Variants in MYB observed in about 807,000 individuals in gnomAD.
The protein encoded by MYB is transcriptional activator Myb.
In MYB, 28 loss-of-function variants were observed where a neutral mutation model predicts 92.9. That is an observed-to-expected ratio of 0.30 (90% CI 0.22 to 0.41). The LOEUF (loss-of-function observed/expected upper bound fraction) is 0.41. Ranked by LOEUF, MYB falls within the 10% of genes least tolerant of loss-of-function variation. MYB has a pLI of 1.00. For synonymous variants in MYB, 295 were observed against 329.1 expected, an observed-to-expected ratio of 0.90 and a Z score of 1.12; for missense variants, 679 against 929.3, an observed-to-expected ratio of 0.73 and a Z score of 3.50.
chr6:135,211,546 G>A (rs1254493527), intron 15 of MYB, among the ~76,000 whole-genome samples: 1 of 152,126 alleles, frequency 6.6e-6, no homozygotes. Flanking sequence ...TTGCTTTAGA[G>A]CAATTTGGCA....
At chr6:135,186,320 G>A (rs1422257497) in intron 2 of MYB, among the ~76,000 whole-genome samples, 1 of 152,090 alleles carries the variant, frequency 6.6e-6, no homozygotes, top group East Asian at 1.9e-4. Flanking sequence ...ACCCATGAAG[G>A]CATCACCTCT....
At chr6:135,188,488 CT>C (rs1179229795) in intron 3 of MYB, among the ~76,000 whole-genome samples, 1 of 145,794 alleles carries the variant, frequency 6.9e-6, no homozygotes, top group Admixed American at 6.9e-5. Context: ...TTCCATTTTT[CT>C]TTCTTTTTTT....
intron 14 of MYB, chr6:135,202,277 G>A (rs906081229): frequency 1.3e-5 from 2 of 152,750 alleles, no homozygotes; most frequent in Admixed American, 1.3e-4. Context: ...TTATTTAGTA[G>A]GTACTAAGTG....
intron 8 of MYB, 149 bp from the exon 9 acceptor site, chr6:135,195,599 C>A: frequency 1.2e-6 from 1 of 813,120 alleles, no homozygotes; most frequent in Non-Finnish European, 1.9e-6. Flanking sequence ...AACATCTTGA[C>A]AACTGTTTCA....
rs1367299192 is a variant in MYB at position 135,190,766 on chromosome 6, T to G, written c.527+419T>G. ...AGGAACTCAGCTACCATTTTCCTGA[T>G]AACCATCATTCATTTCTTTTATTTT... is the stretch of plus-strand genomic sequence containing the variant. On this transcript the variant is annotated intron_variant, in intron 5 of 15. Coordinates refer to ENST00000341911, the MANE Select transcript of MYB (RefSeq NM_001130173.2). The surrounding 1 kb of genome is among the most constrained non-coding windows in gnomAD (Gnocchi z 4.5). Among the ~76,000 whole-genome samples, 1 of 152,198 alleles carries G rather than the reference T, an allele frequency of 6.6e-6. No individual in the cohort carries two copies.
At chr6:135,198,029 A>G (rs1412145446) in intron 10 of MYB, among the ~76,000 whole-genome samples, 1 of 152,234 alleles carries the variant, frequency 6.6e-6, no homozygotes, top group Non-Finnish European at 1.5e-5. Context: ...TTAAATTAAT[A>G]GATAATTTGG....
chr6:135,217,053 GTCC>G (rs1780546342), intron 15 of MYB, among the ~76,000 whole-genome samples: 2 of 152,148 alleles, frequency 1.3e-5, no homozygotes, highest in Non-Finnish European at 2.9e-5. Flanking sequence ...TAGATATTAG[GTCC>G]ATCTTGTATC....
intron 15 of MYB, among the ~76,000 whole-genome samples, chr6:135,215,325 G>A (rs974945839): frequency 1.2e-4 from 19 of 152,158 alleles, no homozygotes; most frequent in African/African-American, 4.3e-4. Flanking sequence ...CTGGTGCCCT[G>A]AGCACACAAC....
At chr6:135,212,505 C>A (rs1342592171) in intron 15 of MYB, among the ~76,000 whole-genome samples, 4 of 151,934 alleles carry the variant, frequency 2.6e-5, no homozygotes, top group African/African-American at 9.7e-5. Flanking sequence ...CAAAAGATGG[C>A]AATATTTATT....
chr6:135,205,470 T>A (rs765331616), intron 15 of MYB, among the ~76,000 whole-genome samples: 15 of 152,212 alleles, frequency 9.9e-5, no homozygotes, highest in Non-Finnish European at 2.1e-4. Flanking sequence ...TTGAAACCCA[T>A]AGTTCAGTAT....
intron 9 of MYB, 43 bp downstream of exon 9, chr6:135,196,045 A>T: frequency 6.3e-7 from 1 of 1,586,912 alleles, no homozygotes; most frequent in African/African-American, 1.4e-5. Context: ...CTGGAAGATA[A>T]ATTAGAAAAC....
rs776218526 is a variant in MYB, at chr6:135,192,425, T to C, written c.629T>C (p.Val210Ala). 5 of 1,614,210 alleles carry C rather than the reference T, an allele frequency of 3.1e-6. No homozygotes were observed. Among genetic ancestry groups the C allele is most frequent in the Middle Eastern group, 3.3e-4 (2 of 6,062 alleles). Residue 210 changes from valine (V) to alanine (A), a missense_variant, in exon 6 of 16, where the codon GTG becomes GCG. Physicochemically the swap from Val to Ala is moderately conservative, Grantham distance 64. Coordinates refer to ENST00000341911, the MANE Select transcript of MYB (RefSeq NM_001130173.2). Reference sequence around the variant, plus strand: ...TCTTCAAAAGCCAGCCAGCCAGCAGTGGCCACAAGCTTCCAGAAGAACAGT... The same window carrying C: ...TCTTCAAAAGCCAGCCAGCCAGCAGCGGCCACAAGCTTCCAGAAGAACAGT... ...QESSKASQPA[V>A]ATSFQKNSHL...
In MYB at chr6:135,191,845, C is replaced by T. The variant is rs1230714639; in HGVS notation, c.528-479C>T. On this transcript the variant is annotated intron_variant, in intron 5 of 15. Coordinates refer to ENST00000341911, the MANE Select transcript of MYB (RefSeq NM_001130173.2). ...GGTTTTTTGGTCTCAGAAGTTCTCA[C>T]TAGTGCTTTGAGAGATAAAGAGTGA... is the stretch of plus-strand genomic sequence containing the variant. Among the ~76,000 whole-genome samples the T allele has an allele frequency of 3.3e-5, 5 of 152,170 alleles. No individual in the cohort carries two copies. The South Asian group carries it at 6.2e-4, about 19-fold the overall frequency.
chr6:135,195,638 C>T (rs1777194858), intron 8 of MYB, 110 bp from the exon 9 acceptor site: 2 of 1,269,084 alleles, frequency 1.6e-6, no homozygotes, highest in South Asian at 1.4e-5. Context: ...GATGCAACTA[C>T]TCTTATCTTT....
At chr6:135,208,069 AT>A (rs1203857897) in intron 15 of MYB, among the ~76,000 whole-genome samples, 24 of 131,054 alleles carry the variant, frequency 1.8e-4, no homozygotes, top group African/African-American at 4.4e-4. Context: ...TTATTTTTTA[AT>A]TTTTTTTTTA....
intron 1 of MYB, among the ~76,000 whole-genome samples, chr6:135,184,494 C>T (rs968242952): frequency 6.6e-6 from 1 of 151,864 alleles, no homozygotes; most frequent in African/African-American, 2.4e-5. Flanking sequence ...ATATATATTT[C>T]CTGGGATTTT....
intron 13 of MYB, chr6:135,200,637 A>G: frequency 3.1e-6 from 2 of 639,410 alleles, no homozygotes; most frequent in East Asian, 3.1e-5. Context: ...TTGGACAGAA[A>G]ACATACTAGA....
intron 15 of MYB, 80 bp downstream of exon 15, chr6:135,203,404 T>TGGC (rs2128307066): frequency 8.8e-7 from 1 of 1,139,444 alleles, no homozygotes; most frequent in Non-Finnish European, 1.3e-6. Flanking sequence ...GTGGTGGTGG[T>TGGC]GATGGTAGTG....
chr6:135,197,361 A>G (rs1777478205), intron 10 of MYB, 38 bp downstream of exon 10: 4 of 1,474,662 alleles, frequency 2.7e-6, no homozygotes, highest in Non-Finnish European at 1.9e-6. Context: ...ACTCATTTTC[A>G]ACAGACACCT....
Sources: allele counts gnomAD v4.1 joint callset (sites outside exome capture counted in the v4.1 genomes callset), GRCh38; gene constraint gnomAD v4.1.1; non-coding constraint Gnocchi (gnomAD v3.1); transcripts MANE v1.5; gene names NCBI Gene and HGNC (gene_info 2026-07-23, HGNC 2026-07-21).